GALR1: variants seen among roughly 807,000 people sequenced by gnomAD.
GALR1 encodes galanin receptor 1, also known as galanin receptor type 1.
In GALR1, 11 loss-of-function variants were observed where a neutral mutation model predicts 17.9. The observed-to-expected ratio is 0.62, with a 90% CI of 0.39 to 1.02. GALR1 has a LOEUF of 1.02. GALR1 is among the 50% of genes least tolerant of loss of function. The pLI is 0.01. For missense variants in GALR1, 441 were observed against 456.9 expected, an observed-to-expected ratio of 0.97 and a Z score of 0.32; for synonymous variants, 206 against 205.7, an observed-to-expected ratio of 1.00 and a Z score of -0.01.
Position 77,271,912 on chromosome 18 carries a change from A to G in GALR1, c.*3010A>G, listed in dbSNP as rs569934586. On this transcript the variant is annotated 3_prime_UTR_variant, in exon 3 of 3. Transcript: ENST00000299727. ...GTGGATGGAAACGTTTTCTTGTCCT[A>G]TATCCTGGGGATAGGAAACAGATTC... 52 of 152,266 alleles carry G rather than the reference A, an allele frequency of 3.4e-4. No individual in the cohort carries two copies. The highest frequency in any genetic ancestry group is 1.2e-3 in the African/African-American group (50 of 41,540). 9.4% of individuals were successfully genotyped at this position (152,266 alleles called of 1,614,324 possible). A position where few individuals can be genotyped will look rare whatever the true frequency, so the allele number is the denominator to read the frequency against.
chr18:77,276,277 A>G lies in GALR1; in HGVS notation c.*7375A>G, dbSNP rs1913156560. ...GCATTGTAGAAAGGATAAAATGAAC[A>G]TTAGGATACTGAGGGTTTGGTCTGA... On this transcript the variant is annotated 3_prime_UTR_variant, in exon 3 of 3. Coordinates refer to ENST00000299727, the MANE Select transcript of GALR1 (RefSeq NM_001480.4). 1 of 152,236 alleles carries G rather than the reference A, an allele frequency of 6.6e-6. No homozygotes were observed. The highest frequency in any genetic ancestry group is 1.5e-5 in the Non-Finnish European group (1 of 68,048). The allele number at this position is 152,236 out of a possible 1,614,324, so 9.4% of individuals were successfully genotyped here.
chr18:77,256,367 C>T (rs1912588970), intron 2 of GALR1, 144 bp downstream of exon 2: 1 of 564,240 alleles, frequency 1.8e-6, no homozygotes, highest in Non-Finnish European at 3.1e-6. Context: ...GAGCCTCCCA[C>T]CGTTAGGATG....
At chr18:77,252,899 C>CCACCACCACCAT (rs1912468535) in intron 1 of GALR1, among the ~76,000 whole-genome samples, 1 of 48,570 alleles carries the variant, frequency 2.1e-5, no homozygotes, top group African/African-American at 6.8e-5. Context: ...ACCACCATCA[C>CCACCACCACCAT]CACCACCACC....
At chr18:77,253,479 A>G (rs1912517780) in intron 1 of GALR1, among the ~76,000 whole-genome samples, 1 of 152,234 alleles carries the variant, frequency 6.6e-6, no homozygotes, top group Non-Finnish European at 1.5e-5. Flanking sequence ...TATTTCCCCA[A>G]AGCCTTCAGG....
intron 2 of GALR1, among the ~76,000 whole-genome samples, chr18:77,264,974 T>C (rs1243900239): frequency 1.3e-5 from 2 of 152,194 alleles, no homozygotes; most frequent in African/African-American, 4.8e-5. Context: ...CATGTCTTAC[T>C]GCTCCTGGCC....
chr18:77,255,011 T>C (rs1203302320), intron 1 of GALR1, among the ~76,000 whole-genome samples: 1 of 152,144 alleles, frequency 6.6e-6, no homozygotes, highest in Non-Finnish European at 1.5e-5. Context: ...GACTAATTGC[T>C]CTGAAAGTGC....
At chr18:77,260,603 G>A (rs1912810592) in intron 2 of GALR1, among the ~76,000 whole-genome samples, 1 of 152,332 alleles carries the variant, frequency 6.6e-6, no homozygotes, top group South Asian at 2.1e-4. Flanking sequence ...TCCATACGGG[G>A]CTTTCCTGTT....
In GALR1 at chr18:77,270,633, A is replaced by G. The variant is rs773854844; in HGVS notation, c.*1731A>G. ...TTTTAGATAAAAATGCAAACTTGAC[A>G]TAAGCCTTTGGCATGCTAATTTTTT... On this transcript the variant is annotated 3_prime_UTR_variant, in exon 3 of 3. Transcript: ENST00000299727. The G allele has an allele frequency of 2.6e-5, 4 of 152,142 alleles. No individual in the cohort carries two copies. The highest frequency in any genetic ancestry group is 4.4e-5 in the Non-Finnish European group (3 of 68,028). The allele number at this position is 152,142 out of a possible 1,614,324, so 9.4% of individuals were successfully genotyped here. A position where few individuals can be genotyped will look rare whatever the true frequency, so the allele number is the denominator to read the frequency against.
rs752996825 is a variant in GALR1 at position 77,250,764 on chromosome 18, G to A, written c.216G>A (p.Leu72=). 7.4e-6 allele frequency: 12 copies of A among 1,613,864 alleles called. No individual in the cohort carries two copies. Among genetic ancestry groups the A allele is most frequent in the Non-Finnish European group, 1.0e-5 (12 of 1,180,024 alleles). Residue 72 remains leucine (L), a synonymous_variant, in exon 1 of 3, where the codon CTG becomes CTA. Coordinates refer to ENST00000299727, the MANE Select transcript of GALR1 (RefSeq NM_001480.4). ...GCAAGCCGCGGAGCACCACCAACCT[G>A]TTCATCCTCAACCTGAGCATCGCCG... is the stretch of plus-strand genomic sequence containing the variant. The part of the protein sequence containing the change: ...KPGKPRSTTN[L]FILNLSIADL...
chr18:77,258,591 ATGGTGGTGGTCATGG>A (rs1912655053), intron 2 of GALR1, among the ~76,000 whole-genome samples: 2 of 9,626 alleles, frequency 2.1e-4, no homozygotes, highest in Middle Eastern at 0.038. Context: ...CATGGTGGTG[ATGGTGGTGGTCATGG>A]TGGTGATGGT....
intron 2 of GALR1, 23 bp downstream of exon 2, chr18:77,256,246 T>C (rs765541827): frequency 2.6e-5 from 32 of 1,228,974 alleles, no homozygotes; most frequent in Non-Finnish European, 3.7e-5. Context: ...AATATATATA[T>C]ATATGTTACT....
intron 1 of GALR1, among the ~76,000 whole-genome samples, chr18:77,255,119 C>T (rs1427276074): frequency 6.6e-6 from 1 of 152,200 alleles, no homozygotes; most frequent in Non-Finnish European, 1.5e-5. Context: ...AACATGGCTT[C>T]CGGTTCCTTG....
rs892342848 is a variant in GALR1 at position 77,269,207 on chromosome 18, A to C, written c.*305A>C. The C allele has an allele frequency of 8.4e-6, 2 of 238,838 alleles. No homozygotes were observed. Among genetic ancestry groups the C allele is most frequent in the Admixed American group, 1.1e-4 (2 of 18,864 alleles). The allele number at this position is 238,838 out of a possible 1,614,324, so 14.8% of individuals were successfully genotyped here. On this transcript the variant is annotated 3_prime_UTR_variant, in exon 3 of 3. Coordinates refer to ENST00000299727, the MANE Select transcript of GALR1 (RefSeq NM_001480.4). ...CATATATATTCCATATATATGTTCA[A>C]CTCTTCATAGATTGTGAACTGGCCC...
chr18:77,257,980 C>T (rs1912630077), intron 2 of GALR1, among the ~76,000 whole-genome samples: 1 of 152,188 alleles, frequency 6.6e-6, no homozygotes, highest in Non-Finnish European at 1.5e-5. Context: ...TTAACATTTG[C>T]TGAATCTTAC....
At chr18:77,256,122 T>C in intron 1 of GALR1, 36 bp from the exon 2 acceptor site, 2 of 1,204,816 alleles carry the variant, frequency 1.7e-6, no homozygotes, top group Non-Finnish European at 2.5e-6. Context: ...TTATGAGAGG[T>C]GAGGCGAACT....
At position 77,270,325 on chromosome 18, in the gene GALR1, G is replaced by C. The variant is rs1302439356; in HGVS notation, c.*1423G>C. The C allele has an allele frequency of 1.3e-5, 2 of 152,142 alleles. No individual in the cohort carries two copies. The highest frequency in any genetic ancestry group is 2.9e-5 in the Non-Finnish European group (2 of 68,062). 9.4% of individuals were successfully genotyped at this position (152,142 alleles called of 1,614,324 possible). ...AGCTCAGGAGTTTGAGACCAGTGTG[G>C]GCAACATGGCAAAACTCGGTCTCTA... On this transcript the variant is annotated 3_prime_UTR_variant, in exon 3 of 3. Transcript: ENST00000299727.
chr18:77,270,213 GT>G lies in GALR1; in HGVS notation c.*1314del, dbSNP rs1341435506. 1 of 151,134 alleles carries G rather than the reference GT, an allele frequency of 6.6e-6. No individual in the cohort carries two copies. The allele number at this position is 151,134 out of a possible 1,614,324, so 9.4% of individuals were successfully genotyped here. ...AAAGCAAGAAGTTTTTTTTTTGTTTGTTTGTTAAAAAGGATTTGGCCAAGCA... is the reference window on the plus strand; with the variant it reads ...AAAGCAAGAAGTTTTTTTTTTGTTTGTTGTTAAAAAGGATTTGGCCAAGCA... On this transcript the variant is annotated 3_prime_UTR_variant, in exon 3 of 3. Coordinates refer to ENST00000299727, the MANE Select transcript of GALR1 (RefSeq NM_001480.4).
At chr18:77,254,608 G>A (rs965242663) in intron 1 of GALR1, among the ~76,000 whole-genome samples, 1 of 152,306 alleles carries the variant, frequency 6.6e-6, no homozygotes, top group South Asian at 2.1e-4. Context: ...CATTGGGAAG[G>A]CTGCCACTGA....
rs1418883854 is a variant in GALR1, at chr18:77,275,655, G to A, written c.*6753G>A. 1.3e-5 allele frequency: 2 copies of A among 152,176 alleles called. No individual in the cohort carries two copies. The highest frequency in any genetic ancestry group is 2.9e-5 in the Non-Finnish European group (2 of 68,032). 9.4% of individuals were successfully genotyped at this position (152,176 alleles called of 1,614,324 possible). ...GGGGCTAAATGTGTTGCTCTTCAGT[G>A]GAAATCTGCCCATTTTGTTGAAAAG... On this transcript the variant is annotated 3_prime_UTR_variant, in exon 3 of 3. Coordinates refer to ENST00000299727, the MANE Select transcript of GALR1 (RefSeq NM_001480.4).
Sources: gnomAD v4.1 joint callset for allele counts (sites outside exome capture counted in the v4.1 genomes callset) on GRCh38, gnomAD v4.1.1 for gene constraint, MANE v1.5 for transcripts, NCBI Gene and HGNC (gene_info 2026-07-23, HGNC 2026-07-21) for gene names.